Variants in EIF2B3 observed in about 807,000 individuals in gnomAD.
The protein encoded by EIF2B3 is eukaryotic translation initiation factor 2B subunit gamma, also known as translation initiation factor eIF2B subunit gamma.
A neutral mutation model predicts 54.1 loss-of-function variants in EIF2B3; 20 were observed. The observed-to-expected ratio is 0.37, with a 90% CI of 0.26 to 0.54. EIF2B3 has a LOEUF of 0.54. Ranked by LOEUF, EIF2B3 falls within the 20% of genes least tolerant of loss-of-function variation. The pLI is 0.86. For synonymous variants in EIF2B3, 153 were observed against 188.1 expected (o/e 0.81, Z 1.52); for missense variants, 448 against 547.8 (o/e 0.82, Z 1.82).
intron 11 of EIF2B3, among the ~76,000 whole-genome samples, chr1:44,853,521 G>T (rs1019520505): frequency 2.6e-5 from 4 of 152,106 alleles, no homozygotes; most frequent in Non-Finnish European, 5.9e-5. Flanking sequence ...GAGGGAGGTC[G>T]CTTGAGCCCG....
chr1:44,944,846 G>C (rs1474900835), intron 3 of EIF2B3, among the ~76,000 whole-genome samples: 1 of 151,778 alleles, frequency 6.6e-6, no homozygotes, highest in African/African-American at 2.4e-5. Context: ...TAAATAGTCT[G>C]GAAAACATTG....
intron 3 of EIF2B3, among the ~76,000 whole-genome samples, chr1:44,948,270 C>G (rs1489420250): frequency 6.6e-6 from 1 of 152,144 alleles, no homozygotes; most frequent in Admixed American, 6.6e-5. Flanking sequence ...GCTGTTGCTA[C>G]CATCCAGAAT....
At chr1:44,889,126 T>C (rs1196744035) in intron 6 of EIF2B3, among the ~76,000 whole-genome samples, 1 of 152,232 alleles carries the variant, frequency 6.6e-6, no homozygotes, top group African/African-American at 2.4e-5. Flanking sequence ...CCATGAACCA[T>C]CTTGAATTTT....
intron 3 of EIF2B3, among the ~76,000 whole-genome samples, chr1:44,950,756 T>C (rs1644152259): frequency 6.6e-6 from 1 of 152,232 alleles, no homozygotes; most frequent in Non-Finnish European, 1.5e-5. Flanking sequence ...TGGTGCGATC[T>C]TGGCTCACTG....
At chr1:44,966,129 A>T (rs1478234509) in intron 3 of EIF2B3, among the ~76,000 whole-genome samples, 1 of 152,004 alleles carries the variant, frequency 6.6e-6, no homozygotes, top group Non-Finnish European at 1.5e-5. Flanking sequence ...TCTCAAAACT[A>T]ACAAACCAAC....
In EIF2B3 at chr1:44,881,767, GA is replaced by G; in HGVS notation, c.657-29del. The G allele has an allele frequency of 6.2e-7, 1 of 1,613,274 alleles. No individual in the cohort carries two copies. The highest frequency in any genetic ancestry group is 8.5e-7 in the Non-Finnish European group (1 of 1,179,568). ...AGAAAGAAAGAATGGCCAAATATGA[GA>G]AACCTGACTGTCTGGAACATACCCG... On this transcript the variant is annotated intron_variant, in intron 6 of 11. Coordinates refer to ENST00000360403, the MANE Select transcript of EIF2B3 (RefSeq NM_020365.5). This position sits in a 1 kb window ranked among gnomAD's most constrained non-coding sequence, Gnocchi z 4.0.
intron 6 of EIF2B3, among the ~76,000 whole-genome samples, chr1:44,887,660 C>T (rs1045549037): frequency 5.9e-5 from 9 of 152,128 alleles, no homozygotes; most frequent in African/African-American, 1.9e-4. Context: ...TTATGAAGGC[C>T]GGGCGCGATG....
chr1:44,980,410 G>A (rs1644500386), intron 2 of EIF2B3, among the ~76,000 whole-genome samples: 1 of 152,112 alleles, frequency 6.6e-6, no homozygotes. Context: ...AACCCTGGCG[G>A]AGGTTGTAGT....
intron 4 of EIF2B3, among the ~76,000 whole-genome samples, chr1:44,935,427 G>A (rs1353700486): frequency 6.6e-6 from 1 of 152,156 alleles, no homozygotes; most frequent in Non-Finnish European, 1.5e-5. Context: ...CGGTGTCACT[G>A]AAATTCTCTA....
intron 3 of EIF2B3, among the ~76,000 whole-genome samples, chr1:44,947,702 T>A (rs1383024319): frequency 6.6e-6 from 1 of 152,150 alleles, no homozygotes; most frequent in Non-Finnish European, 1.5e-5. Flanking sequence ...ACTCACCCAG[T>A]GCTTCCACAA....
chr1:44,863,128 A>T (rs1054141354), intron 10 of EIF2B3: 45 of 152,264 alleles, frequency 3.0e-4, no homozygotes, highest in African/African-American at 1.1e-3. Flanking sequence ...TTCTTTTTTG[A>T]TGAGTTGACA....
intron 5 of EIF2B3, among the ~76,000 whole-genome samples, chr1:44,898,003 T>C (rs971514307): frequency 6.6e-6 from 1 of 152,098 alleles, no homozygotes; most frequent in Non-Finnish European, 1.5e-5. Context: ...CCCAGAGTGG[T>C]TGGATTACAG....
intron 4 of EIF2B3, among the ~76,000 whole-genome samples, chr1:44,933,492 G>A (rs1359154027): frequency 6.6e-6 from 1 of 152,088 alleles, no homozygotes; most frequent in Admixed American, 6.6e-5. Flanking sequence ...GAGATATGGA[G>A]TTAAATGCCA....
At chr1:44,953,042 T>C (rs577246939) in intron 3 of EIF2B3, among the ~76,000 whole-genome samples, 157 of 152,226 alleles carry the variant, frequency 1.0e-3, no homozygotes, top group African/African-American at 3.5e-3. Context: ...TTGAATGCTT[T>C]ATTTTCTCTA....
chr1:44,875,645 C>T lies in EIF2B3; in HGVS notation c.1026G>A (p.Ser342=), dbSNP rs539187259. 24 of 1,614,132 alleles carry T rather than the reference C, an allele frequency of 1.5e-5. No homozygotes were observed. In the East Asian group the frequency reaches 3.3e-4, roughly 22 times the overall value. ...GGTGTTTGCTGACAATCTGGGCTGA[C>T]GAATGGACTGGTGGTTCTTCTGGAC... is the stretch of plus-strand genomic sequence containing the variant. The part of the protein sequence containing the change: ...ALCPEEPPVH[S]SAQIVSKHLV... The change falls in exon 9 of 12, where the codon TCG becomes TCA. Residue 342 remains serine, a synonymous_variant. Coordinates refer to ENST00000360403, the MANE Select transcript of EIF2B3 (RefSeq NM_020365.5).
chr1:44,937,908 A>AG (rs1417318406), intron 4 of EIF2B3, among the ~76,000 whole-genome samples: 5 of 147,714 alleles, frequency 3.4e-5, no homozygotes, highest in African/African-American at 7.4e-5. Context: ...AAAAAAAAAA[A>AG]AAAAAAAAAA....
intron 10 of EIF2B3, among the ~76,000 whole-genome samples, chr1:44,858,070 CTTTTT>C (rs3044232): frequency 0.013 from 1,661 of 127,390 alleles, 23 homozygotes; most frequent in South Asian, 0.041. Context: ...ACTTCAGTTC[CTTTTT>C]TTTTTTTTTT....
intron 11 of EIF2B3, among the ~76,000 whole-genome samples, chr1:44,855,676 C>T (rs1654411447): frequency 6.6e-6 from 1 of 152,096 alleles, no homozygotes; most frequent in African/African-American, 2.4e-5. Context: ...CCTGCCTCAA[C>T]CTCCCAGGTA....
At chr1:44,975,788 T>C (rs1433697199) in intron 3 of EIF2B3, among the ~76,000 whole-genome samples, 6 of 152,098 alleles carry the variant, frequency 3.9e-5, no homozygotes, top group African/African-American at 1.4e-4. Context: ...CTGGCCAACA[T>C]GGTGAAACCC....
Sources: gnomAD v4.1 joint callset for allele counts (sites outside exome capture counted in the v4.1 genomes callset) on GRCh38, gnomAD v4.1.1 for gene constraint, Gnocchi (gnomAD v3.1) non-coding constraint, MANE v1.5 for transcripts, NCBI Gene and HGNC (gene_info 2026-07-23, HGNC 2026-07-21) for gene names.